The following GPC6 variants were observed in gnomAD, a reference collection of about 807,000 sequenced individuals.
GPC6 encodes the protein glypican 6.
In GPC6, 14 loss-of-function variants were observed where a neutral mutation model predicts 55.2. The ratio of observed to expected loss-of-function variants is 0.25; its 90% CI spans 0.17 to 0.40. GPC6 has a LOEUF of 0.40. GPC6 is among the 10% of genes least tolerant of loss of function. The pLI is 1.00. For synonymous variants in GPC6, 278 were observed against 259.6 expected, an observed-to-expected ratio of 1.07 and a Z score of -0.68; for missense variants, 641 against 708.5, an observed-to-expected ratio of 0.90 and a Z score of 1.08.
At chr13:94,227,809 GACACCATCTTGA>G (rs947986943) in intron 4 of GPC6, among the ~76,000 whole-genome samples, 1 of 152,066 alleles carries the variant, frequency 6.6e-6, no homozygotes, top group African/African-American at 2.4e-5. Flanking sequence ...TGATGACGTA[GACACCATCTTGA>G]ACACTGCCAA....
chr13:94,162,011 G>A (rs1888185660), intron 4 of GPC6, among the ~76,000 whole-genome samples: 2 of 152,028 alleles, frequency 1.3e-5, no homozygotes, highest in Admixed American at 6.6e-5. Context: ...CTACAAGGAC[G>A]GTATGGGAGA....
intron 4 of GPC6, among the ~76,000 whole-genome samples, chr13:94,188,557 A>G (rs909533969): frequency 6.6e-6 from 1 of 152,230 alleles, no homozygotes; most frequent in Non-Finnish European, 1.5e-5. Context: ...TTTCAGTTAC[A>G]AAGAACCTAG....
chr13:93,957,270 A>C, intron 3 of GPC6, among the ~76,000 whole-genome samples: 1 of 152,100 alleles, frequency 6.6e-6, no homozygotes, highest in Non-Finnish European at 1.5e-5. Flanking sequence ...TTCCAGTTAT[A>C]TTTTAGATAT....
At chr13:93,739,833 A>G (rs1000624428) in intron 2 of GPC6, among the ~76,000 whole-genome samples, 3 of 152,208 alleles carry the variant, frequency 2.0e-5, no homozygotes, top group Non-Finnish European at 4.4e-5. Flanking sequence ...CATGAAATTT[A>G]TAGTCTAATG....
chr13:93,690,406 C>T (rs928894498), intron 2 of GPC6, among the ~76,000 whole-genome samples: 5 of 151,956 alleles, frequency 3.3e-5, no homozygotes, highest in African/African-American at 9.7e-5. Flanking sequence ...AGCTGAGATG[C>T]TCTGATAAAG....
At chr13:93,686,957 C>A (rs116725465) in intron 2 of GPC6, among the ~76,000 whole-genome samples, 165 of 151,864 alleles carry the variant, frequency 1.1e-3, no homozygotes, top group African/African-American at 3.7e-3. Context: ...ATCCCATTGC[C>A]GATTTTAAAG....
chr13:93,381,257 T>C (rs1875155620), intron 1 of GPC6, among the ~76,000 whole-genome samples: 1 of 152,184 alleles, frequency 6.6e-6, no homozygotes, highest in South Asian at 2.1e-4. Context: ...TCTTATTTTC[T>C]CTACACAGTG....
At position 94,406,483 on chromosome 13, in the gene GPC6, G is replaced by C. The variant is rs1881373135; in HGVS notation, c.*3266G>C. ...TCCCTTACAATGACTTACCTAGCTA[G>C]CATCAAGTAACTTGTATCACCTGCT... is the stretch of plus-strand genomic sequence containing the variant. On this transcript the variant is annotated 3_prime_UTR_variant, in exon 9 of 9. Coordinates refer to ENST00000377047, the MANE Select transcript of GPC6 (RefSeq NM_005708.5). 6.6e-6 allele frequency: 1 copy of C among 152,110 alleles called. No individual in the cohort carries two copies. Among genetic ancestry groups the C allele is most frequent in the African/African-American group, 2.4e-5 (1 of 41,438 alleles). The allele number at this position is 152,110 out of a possible 1,614,324, so 9.4% of individuals were successfully genotyped here.
chr13:94,189,430 G>A (rs960403879), intron 4 of GPC6, among the ~76,000 whole-genome samples: 1 of 152,100 alleles, frequency 6.6e-6, no homozygotes, highest in East Asian at 1.9e-4. Context: ...TCCCCACCCT[G>A]GGATGTTCCC....
chr13:94,129,131 A>G (rs9524339), intron 4 of GPC6, among the ~76,000 whole-genome samples: 27,030 of 152,132 alleles, frequency 0.18, 3,228 homozygotes, highest in Middle Eastern at 0.28. Context: ...ATGTGTGTTT[A>G]GCACATTTTA....
At chr13:93,663,496 TTCTG>T in intron 2 of GPC6, among the ~76,000 whole-genome samples, 1 of 152,364 alleles carries the variant, frequency 6.6e-6, no homozygotes, top group East Asian at 1.9e-4. Flanking sequence ...TATATCCCCT[TTCTG>T]TCTGAGTAGA....
intron 1 of GPC6, among the ~76,000 whole-genome samples, chr13:93,543,402 G>A (rs1360217989): frequency 6.6e-6 from 1 of 151,994 alleles, no homozygotes; most frequent in African/African-American, 2.4e-5. Flanking sequence ...TAAGCTTTTT[G>A]ATGTGCTGCT....
In GPC6 at chr13:93,805,744, C is replaced by T. The variant is rs180838613; in HGVS notation, c.320-24410C>T. On this transcript the variant is annotated intron_variant, in intron 2 of 8. Transcript: ENST00000377047. ...TCCCCTCCAATCTTGTTTAGTACTT[C>T]CACTGAAATGTGGCTTATCTATCAA... Among the ~76,000 whole-genome samples, 210 of 152,302 alleles carry T rather than the reference C, an allele frequency of 1.4e-3. 1 individual carries two copies. The highest frequency in any genetic ancestry group is 2.5e-3 in the Non-Finnish European group (170 of 68,008).
intron 2 of GPC6, among the ~76,000 whole-genome samples, chr13:93,608,266 G>A (rs1203412674): frequency 6.6e-6 from 1 of 151,180 alleles, no homozygotes; most frequent in Admixed American, 6.6e-5. Context: ...TATAAAATGT[G>A]TTTCCATTTA....
At chr13:94,252,608 ACC>A (rs1891387525) in intron 4 of GPC6, among the ~76,000 whole-genome samples, 2 of 152,090 alleles carry the variant, frequency 1.3e-5, no homozygotes, top group Non-Finnish European at 2.9e-5. Context: ...TGTACCCACC[ACC>A]ACCAACAACA....
chr13:94,214,566 A>G (rs1026534715), intron 4 of GPC6, among the ~76,000 whole-genome samples: 1 of 152,172 alleles, frequency 6.6e-6, no homozygotes, highest in Non-Finnish European at 1.5e-5. Context: ...AAAACACTAT[A>G]TGAAATAAAA....
At chr13:93,722,895 T>G (rs1050349496) in intron 2 of GPC6, among the ~76,000 whole-genome samples, 8 of 151,852 alleles carry the variant, frequency 5.3e-5, no homozygotes, top group Admixed American at 2.6e-4. Context: ...TCTCCTCTTC[T>G]TGTAAGGACA....
At chr13:93,484,006 G>C (rs1879610603) in intron 1 of GPC6, among the ~76,000 whole-genome samples, 1 of 152,084 alleles carries the variant, frequency 6.6e-6, no homozygotes, top group Non-Finnish European at 1.5e-5. Flanking sequence ...TATTTTCCTT[G>C]TTTAGACTCT....
chr13:93,936,395 A>ATGTG (rs138841350), intron 3 of GPC6, among the ~76,000 whole-genome samples: 109 of 151,250 alleles, frequency 7.2e-4, no homozygotes, highest in Middle Eastern at 3.4e-3. Context: ...GTGTGCGGGC[A>ATGTG]TGTGTGTGTG....
Sources: allele counts gnomAD v4.1 joint callset (sites outside exome capture counted in the v4.1 genomes callset), GRCh38; gene constraint gnomAD v4.1.1; transcripts MANE v1.5; gene names NCBI Gene and HGNC (gene_info 2026-07-23, HGNC 2026-07-21).